Variants in NREP observed in about 807,000 individuals in gnomAD.
NREP encodes neuronal regeneration-related protein.
In NREP, 5 loss-of-function variants were observed where a neutral mutation model predicts 8.6. The observed-to-expected ratio is 0.58, with a 90% confidence interval of 0.30 to 1.22. The LOEUF (loss-of-function observed/expected upper bound fraction) is 1.22. NREP is among the 50% of genes most tolerant of loss of function. The probability of loss-of-function intolerance (pLI) is 0.07; values close to 1 mark genes in which losing one functional copy is unlikely to be tolerated. For synonymous variants in NREP, 27 were observed against 28.0 expected (o/e 0.96, Z 0.11); for missense variants, 86 against 82.5 (o/e 1.04, Z -0.17).
chr5:111,803,175 T>C, intron 2 of NREP, among the ~76,000 whole-genome samples: 1 of 152,162 alleles, frequency 6.6e-6, no homozygotes, highest in East Asian at 1.9e-4. Flanking sequence ...AGGTTATCAC[T>C]CAGGTAAAGT....
At chr5:111,781,513 C>T (rs1415886923) in intron 2 of NREP, among the ~76,000 whole-genome samples, 1 of 152,192 alleles carries the variant, frequency 6.6e-6, no homozygotes, top group Non-Finnish European at 1.5e-5. Flanking sequence ...TCAGGCAGCA[C>T]AGGCAGGCCA....
chr5:111,947,789 T>C (rs150952405), intron 2 of NREP, among the ~76,000 whole-genome samples: 1 of 152,064 alleles, frequency 6.6e-6, no homozygotes, highest in South Asian at 2.1e-4. Flanking sequence ...AAGTAGGACA[T>C]CTTCGCAAGC....
intron 2 of NREP, among the ~76,000 whole-genome samples, chr5:111,908,506 C>T (rs1458600544): frequency 6.6e-6 from 1 of 151,968 alleles, no homozygotes; most frequent in Non-Finnish European, 1.5e-5. Flanking sequence ...ATTTAGTTTC[C>T]ACTTATAAGT....
At position 111,854,423 on chromosome 5, in the gene NREP, C is replaced by T. The variant is rs183962424; in HGVS notation, c.136-118916G>A. 1.4e-3 allele frequency among the ~76,000 whole-genome samples: 210 copies of T among 152,244 alleles called. 1 individual carries two copies. The highest frequency in any genetic ancestry group is 4.9e-3 in the African/African-American group (202 of 41,554). On this transcript the variant is annotated intron_variant, in intron 2 of 3. Transcript: ENST00000395634. ...AGCTCATAGTGAGGGTGTGAGCACT[C>T]CCAGGGTGCCAGAAGTCTGGCAGCC...
chr5:111,835,446 A>G (rs902159826), intron 2 of NREP, among the ~76,000 whole-genome samples: 2 of 152,114 alleles, frequency 1.3e-5, no homozygotes, highest in African/African-American at 2.4e-5. Flanking sequence ...ACAGCCAGAT[A>G]CAGGCTAAAA....
chr5:111,972,720 AGACCC>A (rs1442532397), intron 2 of NREP, among the ~76,000 whole-genome samples: 3 of 152,052 alleles, frequency 2.0e-5, no homozygotes, highest in Admixed American at 2.0e-4. Flanking sequence ...CCACCAATCT[AGACCC>A]GAGTCTTGAC....
intron 2 of NREP, among the ~76,000 whole-genome samples, chr5:111,794,078 C>T (rs776856342): frequency 2.8e-4 from 43 of 152,148 alleles, no homozygotes; most frequent in Non-Finnish European, 5.7e-4. Context: ...TGTTTTCATT[C>T]AGAATTCAAT....
At chr5:111,860,037 C>G (rs550260396) in intron 2 of NREP, among the ~76,000 whole-genome samples, 1 of 152,248 alleles carries the variant, frequency 6.6e-6, no homozygotes, top group Admixed American at 6.5e-5. Flanking sequence ...ATGCAAGTTG[C>G]ATAATCACGT....
At chr5:111,913,529 A>G (rs1786394182) in intron 2 of NREP, among the ~76,000 whole-genome samples, 1 of 152,104 alleles carries the variant, frequency 6.6e-6, no homozygotes, top group African/African-American at 2.4e-5. Flanking sequence ...ATTAACAGGG[A>G]TGTGAGTTCA....
intron 2 of NREP, among the ~76,000 whole-genome samples, chr5:111,921,110 TTGCCTTAACTATC>T (rs1437543038): frequency 6.6e-6 from 1 of 152,164 alleles, no homozygotes; most frequent in Admixed American, 6.6e-5. Flanking sequence ...CCAAGGACCC[TTGCCTTAACTATC>T]TGCCTAGTTG....
At chr5:111,842,122 G>C (rs1235834664) in intron 2 of NREP, among the ~76,000 whole-genome samples, 1 of 152,102 alleles carries the variant, frequency 6.6e-6, no homozygotes, top group Non-Finnish European at 1.5e-5. Flanking sequence ...CTTTGTATAA[G>C]ATGTGACTCC....
intron 1 of NREP, 32 bp from the exon 2 acceptor site, chr5:111,755,862 T>C: frequency 1.2e-6 from 2 of 1,611,610 alleles, no homozygotes; most frequent in Non-Finnish European, 1.7e-6. Flanking sequence ...AGTAGACACA[T>C]CGCCTCACCA....
At chr5:111,959,807 A>G (rs966045561) in intron 2 of NREP, among the ~76,000 whole-genome samples, 5 of 152,104 alleles carry the variant, frequency 3.3e-5, no homozygotes, top group African/African-American at 7.2e-5. Flanking sequence ...CCACTGATGT[A>G]TATACACCAT....
intron 2 of NREP, among the ~76,000 whole-genome samples, chr5:111,770,781 G>T (rs1224524576): frequency 6.6e-6 from 1 of 151,882 alleles, no homozygotes; most frequent in Non-Finnish European, 1.5e-5. Flanking sequence ...TGTTGCCCAG[G>T]CTGGTCTCTA....
At chr5:111,932,501 G>A (rs1199080322) in intron 2 of NREP, among the ~76,000 whole-genome samples, 1 of 152,102 alleles carries the variant, frequency 6.6e-6, no homozygotes, top group East Asian at 1.9e-4. Context: ...TGTGCAGTTA[G>A]TAGCAAGTAG....
chr5:111,899,096 C>G (rs1754581370), intron 2 of NREP, among the ~76,000 whole-genome samples: 1 of 152,078 alleles, frequency 6.6e-6, no homozygotes, highest in African/African-American at 2.4e-5. Flanking sequence ...TAAGGCAGTG[C>G]TATATCTGGA....
At chr5:111,728,873 C>A (rs60146481), downstream of NREP, 43,483 of 151,974 alleles carry the variant, frequency 0.29, 8,283 homozygotes, top group African/African-American at 0.55. Flanking sequence ...GAAAAGTGCA[C>A]ATATTCCATG....
At position 111,730,622 on chromosome 5, in the gene NREP, C is replaced by T. The variant is rs892306480; in HGVS notation, c.*299G>A. The T allele has an allele frequency of 3.5e-5, 8 of 228,582 alleles. No individual in the cohort carries two copies. The highest frequency in any genetic ancestry group is 1.4e-4 in the African/African-American group (6 of 43,722). 14.2% of individuals were successfully genotyped at this position (228,582 alleles called of 1,614,324 possible). A position where few individuals can be genotyped will look rare whatever the true frequency, so the allele number is the denominator to read the frequency against. ...CAGGAGTGGACCGGTTGTGTGAGCG[C>T]GGTGGGAGTTTGAGTTGTGGAAGAC... is the stretch of plus-strand genomic sequence containing the variant. On this transcript the variant is annotated 3_prime_UTR_variant, in exon 4 of 4. Coordinates refer to ENST00000257435, the MANE Select transcript of NREP (RefSeq NM_004772.4).
At chr5:111,947,916 C>T (rs1399503068) in intron 2 of NREP, among the ~76,000 whole-genome samples, 1 of 151,998 alleles carries the variant, frequency 6.6e-6, no homozygotes, top group Non-Finnish European at 1.5e-5. Flanking sequence ...TTCTCTGCCC[C>T]ATTTACTACC....
Sources: allele counts gnomAD v4.1 joint callset (sites outside exome capture counted in the v4.1 genomes callset), GRCh38; gene constraint gnomAD v4.1.1; transcripts MANE v1.5; gene names NCBI Gene and HGNC (gene_info 2026-07-23, HGNC 2026-07-21).